Variants in ASF1B observed in about 807,000 individuals in gnomAD.
ASF1B encodes the protein histone chaperone ASF1B.
A neutral mutation model predicts 16.6 loss-of-function variants in ASF1B; 10 were observed. That is an observed-to-expected ratio of 0.60 (90% CI 0.37 to 1.02). ASF1B has a LOEUF of 1.02. ASF1B is among the 50% of genes least tolerant of loss of function. The pLI, the probability that ASF1B is intolerant of heterozygous loss-of-function variation, is 0.01. For missense variants in ASF1B, 240 were observed against 266.0 expected, an observed-to-expected ratio of 0.90 and a Z score of 0.68; for synonymous variants, 101 against 106.2, an observed-to-expected ratio of 0.95 and a Z score of 0.30.
chr19:14,120,704 C>G (rs1284746431), intron 3 of ASF1B, 39 bp from the exon 4 acceptor site: 1 of 1,601,124 alleles, frequency 6.2e-7, no homozygotes, highest in Non-Finnish European at 8.5e-7. Flanking sequence ...TGTAGGTACG[C>G]CCTCTCCTTG....
At chr19:14,126,471 AT>A (rs1001269067) in intron 1 of ASF1B, among the ~76,000 whole-genome samples, 27 of 149,136 alleles carry the variant, frequency 1.8e-4, no homozygotes, top group Admixed American at 5.4e-4. Context: ...CGCCTAGCTA[AT>A]TTTTTTTTTC....
In ASF1B at chr19:14,128,396, AGCAG is replaced by A. The variant is rs1337912702; in HGVS notation, c.110-2163_110-2160del. Among the ~76,000 whole-genome samples the A allele has an allele frequency of 2.6e-5, 4 of 152,098 alleles. No homozygotes were observed. In the East Asian group the frequency reaches 7.7e-4, roughly 29 times the overall value. ...TTGTGGTTTCACTCAGGAACCCTAT[AGCAG>A]GTCTGTAGGATACGGGTGACCATTG... On this transcript the variant is annotated intron_variant, in intron 1 of 3. Transcript: ENST00000263382.
At position 14,120,303 on chromosome 19, in the gene ASF1B, AG is replaced by A; in HGVS notation, c.*155del. 2 of 661,502 alleles carry A rather than the reference AG, an allele frequency of 3.0e-6. No individual in the cohort carries two copies. Among genetic ancestry groups the A allele is most frequent in the Non-Finnish European group, 5.1e-6 (2 of 388,500 alleles). The allele number at this position is 661,502 out of a possible 1,614,324, so 41.0% of individuals were successfully genotyped here. On this transcript the variant is annotated 3_prime_UTR_variant, in exon 4 of 4. Transcript: ENST00000263382. ...CGAGATCATCCTTCTGGCCAGGACT[AG>A]GGGAGACCCAAGGCCTGTTCTTTCC...
intron 2 of ASF1B, among the ~76,000 whole-genome samples, chr19:14,125,125 C>A (rs543138596): frequency 1.7e-4 from 26 of 152,212 alleles, no homozygotes; most frequent in African/African-American, 5.8e-4. Flanking sequence ...CGCCACCACA[C>A]CTGGCTGATT....
At chr19:14,131,175 GC>G (rs1967398474) in intron 1 of ASF1B, among the ~76,000 whole-genome samples, 1 of 149,518 alleles carries the variant, frequency 6.7e-6, no homozygotes, top group Non-Finnish European at 1.5e-5. Context: ...ACTGTGCCTG[GC>G]CATTTTTTTT....
intron 1 of ASF1B, among the ~76,000 whole-genome samples, chr19:14,133,077 G>A (rs60970047): frequency 0.028 from 4,189 of 149,554 alleles, 192 homozygotes; most frequent in African/African-American, 0.098. Context: ...CCATGATCAC[G>A]CCACTGCACT....
rs191988131 is a variant in ASF1B at position 14,125,629 on chromosome 19, T to C, written c.225+493A>G. Among the ~76,000 whole-genome samples the C allele has an allele frequency of 3.2e-4, 48 of 151,758 alleles. 1 individual carries two copies. The highest frequency in any genetic ancestry group is 2.7e-3 in the Admixed American group (41 of 15,238). On this transcript the variant is annotated intron_variant, in intron 2 of 3. Transcript: ENST00000263382. ...GTGCAGTGGTGTGGTCTTGGCTCAT[T>C]GTAGCTTCCATCTCCCAGGCTCAAG...
At chr19:14,135,384 C>T (rs982775447) in intron 1 of ASF1B, among the ~76,000 whole-genome samples, 1 of 152,098 alleles carries the variant, frequency 6.6e-6, no homozygotes, top group African/African-American at 2.4e-5. Flanking sequence ...TCCAAGCCCA[C>T]AGAGAAAGGT....
At chr19:14,131,398 G>T (rs1967402641) in intron 1 of ASF1B, among the ~76,000 whole-genome samples, 1 of 150,956 alleles carries the variant, frequency 6.6e-6, no homozygotes, top group South Asian at 2.1e-4. Context: ...GGTTAGGCTG[G>T]TCTCGAACTC....
chr19:14,121,740 G>GC, intron 2 of ASF1B, 32 bp from the exon 3 acceptor site: 1 of 1,578,148 alleles, frequency 6.3e-7, no homozygotes, highest in Non-Finnish European at 8.6e-7. Flanking sequence ...CCTTAGCAGT[G>GC]CCACAGCCAT....
rs1330141818 is a variant in ASF1B at position 14,120,440 on chromosome 19, A to C, written c.*19T>G. 1.9e-5 allele frequency: 31 copies of C among 1,611,154 alleles called. No individual in the cohort carries two copies. Among genetic ancestry groups the C allele is most frequent in the Non-Finnish European group, 2.5e-5 (29 of 1,178,876 alleles). On this transcript the variant is annotated 3_prime_UTR_variant, in exon 4 of 4. Transcript: ENST00000263382. ...TGGTTGCCCCTCCCGGCGTGCTGGG[A>C]CACTCTGGGTTCCTGCAGTTAGATG... is the stretch of plus-strand genomic sequence containing the variant.
In ASF1B at chr19:14,135,631, GA is replaced by G. The variant is rs201030173; in HGVS notation, c.109+716del. 6.9e-3 allele frequency among the ~76,000 whole-genome samples: 1,046 copies of G among 152,196 alleles called. 21 individuals carry two copies. The highest frequency in any genetic ancestry group is 0.024 in the African/African-American group (1,006 of 41,516). On this transcript the variant is annotated intron_variant, in intron 1 of 3. Transcript: ENST00000263382. Reference sequence around the variant, plus strand: ...GGAAGATGGGGTTGAGAGAGGTCCTGAAAAGGGGTTGAGGGGTTTTCACAGG... The same window carrying G: ...GGAAGATGGGGTTGAGAGAGGTCCTGAAAGGGGTTGAGGGGTTTTCACAGG...
At chr19:14,127,460 C>G (rs894151051) in intron 1 of ASF1B, among the ~76,000 whole-genome samples, 1 of 152,078 alleles carries the variant, frequency 6.6e-6, no homozygotes, top group South Asian at 2.1e-4. Context: ...GTGGATCCCT[C>G]GACAACTGGG....
intron 2 of ASF1B, among the ~76,000 whole-genome samples, chr19:14,125,583 C>G (rs1040399936): frequency 1.3e-5 from 2 of 152,196 alleles, no homozygotes; most frequent in African/African-American, 4.8e-5. Flanking sequence ...GAGACTGGGT[C>G]TTACTGTTGC....
At chr19:14,121,786 C>T in intron 2 of ASF1B, 78 bp from the exon 3 acceptor site, 1 of 1,338,638 alleles carries the variant, frequency 7.5e-7, no homozygotes, top group Non-Finnish European at 1.0e-6. Flanking sequence ...TCCCAAGCAT[C>T]ATGTATTTAC....
chr19:14,133,665 T>C (rs1026502661), intron 1 of ASF1B, among the ~76,000 whole-genome samples: 2 of 151,328 alleles, frequency 1.3e-5, no homozygotes, highest in Non-Finnish European at 2.9e-5. Flanking sequence ...CAAGACTTCA[T>C]CTCCAAAAAA....
At chr19:14,126,354 G>T (rs1599357934) in intron 1 of ASF1B, 117 bp from the exon 2 acceptor site, 1 of 685,632 alleles carries the variant, frequency 1.5e-6, no homozygotes, top group South Asian at 1.7e-5. Context: ...ACACAGGTTA[G>T]AATACAGTGA....
chr19:14,129,124 C>T (rs962652996), intron 1 of ASF1B, among the ~76,000 whole-genome samples: 12 of 152,078 alleles, frequency 7.9e-5, no homozygotes, highest in African/African-American at 1.9e-4. Flanking sequence ...TGTGGTGGCG[C>T]GTGCCGGTGG....
chr19:14,121,409 G>T, intron 3 of ASF1B, 123 bp downstream of exon 3: 1 of 1,112,374 alleles, frequency 9.0e-7, no homozygotes, highest in Non-Finnish European at 1.3e-6. Flanking sequence ...ACACAGTACT[G>T]TAAGAACTGA....
Sources: allele counts gnomAD v4.1 joint callset (sites outside exome capture counted in the v4.1 genomes callset), GRCh38; gene constraint gnomAD v4.1.1; transcripts MANE v1.5; gene names NCBI Gene and HGNC (gene_info 2026-07-23, HGNC 2026-07-21).